PCTP: variants seen among roughly 807,000 people sequenced by gnomAD.
PCTP encodes START domain-containing protein 2.
In PCTP, 27 loss-of-function variants were observed where a neutral mutation model predicts 31.0. The observed-to-expected ratio is 0.87, with a 90% confidence interval of 0.64 to 1.20. The LOEUF (loss-of-function observed/expected upper bound fraction) is 1.20, where lower values mean the gene tolerates loss of function less well. PCTP is among the 50% of genes most tolerant of loss of function. PCTP has a pLI of 0.00. For synonymous variants in PCTP, 108 were observed against 101.2 expected, an observed-to-expected ratio of 1.07 and a Z score of -0.40; for missense variants, 287 against 268.2, an observed-to-expected ratio of 1.07 and a Z score of -0.49.
the PCTP span, among the ~76,000 whole-genome samples, chr17:55,852,486 T>C: frequency 6.6e-6 from 1 of 152,230 alleles, no homozygotes; most frequent in Admixed American, 6.5e-5. Flanking sequence ...ATCCTTATTT[T>C]ACCTGGCTGA....
rs117307813 is a variant in PCTP, at chr17:55,788,476, G to T, written c.317+822G>T. Reference sequence around the variant, plus strand: ...TTTACTCAACAAAGATTTATCAAGGGCTAACTCTGTGCCATGAACCAAGTT... The same window carrying T: ...TTTACTCAACAAAGATTTATCAAGGTCTAACTCTGTGCCATGAACCAAGTT... On this transcript the variant is annotated intron_variant, in intron 3 of 3. Coordinates refer to the PCTP transcript ENST00000572536. 5.7e-3 allele frequency among the ~76,000 whole-genome samples: 868 copies of T among 152,202 alleles called. 24 individuals are homozygous for T. The highest frequency in any genetic ancestry group is 0.039 in the Admixed American group (598 of 15,282).
chr17:55,820,623 G>T (rs1024890853), intron 3 of PCTP, among the ~76,000 whole-genome samples: 1 of 152,122 alleles, frequency 6.6e-6, no homozygotes, highest in African/African-American at 2.4e-5. Flanking sequence ...TATGAATTTT[G>T]AGGAAACACA....
chr17:55,812,822 C>T (rs1435187958), intron 3 of PCTP, among the ~76,000 whole-genome samples: 1 of 152,146 alleles, frequency 6.6e-6, no homozygotes, highest in Non-Finnish European at 1.5e-5. Flanking sequence ...GGTGCTTTGC[C>T]AAGGCTTTGG....
At chr17:55,792,622 C>G (rs1467468909) in intron 3 of PCTP, among the ~76,000 whole-genome samples, 2 of 152,190 alleles carry the variant, frequency 1.3e-5, no homozygotes, top group East Asian at 3.9e-4. Context: ...TTCGTGGATA[C>G]CTGGGGAGGT....
At chr17:55,808,690 C>T (rs1393545676) in intron 3 of PCTP, among the ~76,000 whole-genome samples, 1 of 152,154 alleles carries the variant, frequency 6.6e-6, no homozygotes, top group Non-Finnish European at 1.5e-5. Context: ...CAAAGCTTAG[C>T]AGCATTACAC....
At chr17:55,806,402 T>A (rs1259877252) in intron 3 of PCTP, among the ~76,000 whole-genome samples, 1 of 152,164 alleles carries the variant, frequency 6.6e-6, no homozygotes, top group Non-Finnish European at 1.5e-5. Context: ...GTGGTAGAAG[T>A]ATTTATATCA....
intron 3 of PCTP, among the ~76,000 whole-genome samples, chr17:55,814,974 G>A (rs904815214): frequency 1.3e-5 from 2 of 152,068 alleles, no homozygotes; most frequent in African/African-American, 4.8e-5. Flanking sequence ...CAGAAACCAA[G>A]AACAGTGAAA....
chr17:55,774,020 A>T (rs1911168148), intron 4 of PCTP, 125 bp downstream of exon 4: 16 of 1,135,214 alleles, frequency 1.4e-5, no homozygotes, highest in Non-Finnish European at 1.9e-5. Context: ...GCAAAGCTGC[A>T]GAGCAAACCA....
intron 3 of PCTP, among the ~76,000 whole-genome samples, chr17:55,817,083 T>C (rs777986231): frequency 6.6e-6 from 1 of 152,218 alleles, no homozygotes; most frequent in Non-Finnish European, 1.5e-5. Flanking sequence ...GGAGTAATAT[T>C]TCTTAAAACC....
intron 2 of PCTP, among the ~76,000 whole-genome samples, chr17:55,784,226 T>C (rs1911669058): frequency 6.6e-6 from 1 of 152,112 alleles, no homozygotes. Flanking sequence ...CCCAGATAAC[T>C]AGGGAGAAGG....
intron 3 of PCTP, among the ~76,000 whole-genome samples, chr17:55,806,589 C>A (rs957401082): frequency 1.3e-5 from 2 of 152,206 alleles, no homozygotes; most frequent in Admixed American, 6.5e-5. Context: ...AGGATGATGA[C>A]CCTCCTTGAT....
downstream of PCTP, among the ~76,000 whole-genome samples, chr17:55,779,289 A>G (rs1437580380): frequency 6.6e-6 from 1 of 152,206 alleles, no homozygotes; most frequent in Non-Finnish European, 1.5e-5. Flanking sequence ...GAAGGATGAT[A>G]AGTGCTCAGA....
At chr17:55,834,372 G>C (rs1016099815) in intron 5 of PCTP, among the ~76,000 whole-genome samples, 1 of 151,860 alleles carries the variant, frequency 6.6e-6, no homozygotes, top group Non-Finnish European at 1.5e-5. Context: ...CCCCCAACAG[G>C]CCTCAGTGTG....
chr17:55,848,979 C>G, the PCTP span, among the ~76,000 whole-genome samples: 1 of 152,088 alleles, frequency 6.6e-6, no homozygotes, highest in South Asian at 2.1e-4. Flanking sequence ...CATTGTAATT[C>G]TATGCACAAT....
intron 3 of PCTP, among the ~76,000 whole-genome samples, chr17:55,799,334 G>A (rs1240042983): frequency 2.6e-5 from 4 of 151,434 alleles, no homozygotes; most frequent in Non-Finnish European, 5.9e-5. Context: ...ATCTTTGTTG[G>A]TTTAAAGTTT....
chr17:55,785,005 G>A (rs7221092), intron 2 of PCTP, among the ~76,000 whole-genome samples: 57,105 of 152,046 alleles, frequency 0.38, 16,631 homozygotes, highest in African/African-American at 0.82. Context: ...TTTCTGACAC[G>A]GCTCCCAATA....
At chr17:55,768,264 C>T (rs1023281737) in intron 2 of PCTP, among the ~76,000 whole-genome samples, 3 of 152,118 alleles carry the variant, frequency 2.0e-5, no homozygotes, top group African/African-American at 7.2e-5. Context: ...TAGATCCTCT[C>T]CACAGTTTGC....
intron 3 of PCTP, among the ~76,000 whole-genome samples, chr17:55,799,368 A>G (rs1598005084): frequency 6.7e-6 from 1 of 150,270 alleles, no homozygotes; most frequent in African/African-American, 2.4e-5. Context: ...CTAGGATTGC[A>G]GTCCCTGCTT....
At chr17:55,765,359 C>G (rs1242636703) in intron 1 of PCTP, among the ~76,000 whole-genome samples, 1 of 152,104 alleles carries the variant, frequency 6.6e-6, no homozygotes, top group African/African-American at 2.4e-5. Context: ...AAAAGCCCAC[C>G]AATCACCTCT....
Sources: gnomAD v4.1 joint callset for allele counts (sites outside exome capture counted in the v4.1 genomes callset) on GRCh38, gnomAD v4.1.1 for gene constraint, MANE v1.5 for transcripts, NCBI Gene and HGNC (gene_info 2026-07-23, HGNC 2026-07-21) for gene names.